RICTOR: variants seen among roughly 807,000 people sequenced by gnomAD.
The protein encoded by RICTOR is RPTOR independent companion of MTOR complex 2.
Under a neutral mutation model 214.9 loss-of-function variants are expected in RICTOR, and 49 were observed. That is an observed-to-expected ratio of 0.23 (90% CI 0.18 to 0.29). The LOEUF is 0.29. Ranked by LOEUF, RICTOR falls within the 10% of genes least tolerant of loss-of-function variation. The pLI is 1.00. For synonymous variants in RICTOR, 717 were observed against 711.3 expected (o/e 1.01, Z -0.13); for missense variants, 1,625 against 2,047.0 (o/e 0.79, Z 3.98).
intron 5 of RICTOR, among the ~76,000 whole-genome samples, chr5:39,001,265 AACCC>A (rs1334544192): frequency 3.3e-5 from 5 of 152,128 alleles, no homozygotes; most frequent in Admixed American, 2.0e-4. Flanking sequence ...GAGGATAGAG[AACCC>A]AACAATAGAT....
Position 38,945,535 on chromosome 5 carries a change from C to G in RICTOR, c.4589G>C (p.Gly1530Ala). Residue 1530 changes from glycine (G) to alanine (A), a missense_variant, in exon 34 of 38, where the codon GGT becomes GCT. By Grantham distance (60) the Gly-to-Ala change is moderately conservative. Around this residue, in one of 5 missense-constraint regions of RICTOR, gnomAD observed 1,214 missense variants for 1,470.5 expected, o/e 0.83. Coordinates refer to ENST00000357387, the MANE Select transcript of RICTOR (RefSeq NM_152756.5). ...CLYCVCIEIL[G>A]FQPSNQLSAI... is the part of the protein sequence containing the mutation. ...ACTCAGTTGGTTGCTGGGCTGGAAA[C>G]CCAGAATTTCAATACAGACACAATA... 1 of 1,614,050 alleles carries G rather than the reference C, an allele frequency of 6.2e-7. No individual in the cohort carries two copies. The highest frequency in any genetic ancestry group is 8.5e-7 in the Non-Finnish European group (1 of 1,179,936).
At chr5:39,037,413 G>A (rs1475224878) in intron 2 of RICTOR, among the ~76,000 whole-genome samples, 4 of 151,580 alleles carry the variant, frequency 2.6e-5, no homozygotes, top group Admixed American at 1.3e-4. Flanking sequence ...AAGAACTAGA[G>A]AAGCAAGAGC....
At position 39,060,885 on chromosome 5, in the gene RICTOR, C is replaced by T. The variant is rs368831541; in HGVS notation, c.97+13226G>A. 5.9e-4 allele frequency among the ~76,000 whole-genome samples: 89 copies of T among 152,032 alleles called. 1 individual carries two copies. In the South Asian group the frequency reaches 0.018, roughly 31 times the overall value. On this transcript the variant is annotated intron_variant, in intron 2 of 37. Coordinates refer to ENST00000357387, the MANE Select transcript of RICTOR (RefSeq NM_152756.5). ...TCAGAAACAAAGAAAGGCTTCTGAA[C>T]CCCACCTCTCTCTCTCATAATACCT... is the stretch of plus-strand genomic sequence containing the variant.
In RICTOR at chr5:38,940,145, A is replaced by C. The variant is rs1335812128; in HGVS notation, c.*2159T>G. ...AAAGTAACAGTAAAAAAAAAAAACAAAAAAAAAAACACAAAACATTCAGGC... is the reference window on the plus strand; with the variant it reads ...AAAGTAACAGTAAAAAAAAAAAACACAAAAAAAAACACAAAACATTCAGGC... On this transcript the variant is annotated 3_prime_UTR_variant, in exon 38 of 38. Coordinates refer to ENST00000357387, the MANE Select transcript of RICTOR (RefSeq NM_152756.5). The C allele has an allele frequency of 4.2e-4, 49 of 115,784 alleles. No individual in the cohort carries two copies. Among genetic ancestry groups the C allele is most frequent in the African/African-American group, 1.1e-3 (12 of 10,726 alleles). The allele number at this position is 115,784 out of a possible 1,614,324, so 7.2% of individuals were successfully genotyped here.
At chr5:38,945,435 A>T in intron 34 of RICTOR, 56 bp downstream of exon 34, 1 of 1,212,692 alleles carries the variant, frequency 8.2e-7, no homozygotes, top group East Asian at 2.3e-5. Flanking sequence ...GGAAAAGTAA[A>T]CCAGAGAACT....
intron 36 of RICTOR, chr5:38,944,066 A>G: frequency 2.9e-6 from 1 of 349,610 alleles, no homozygotes; most frequent in Non-Finnish European, 5.5e-6. Context: ...ATTAAAATTG[A>G]GAGAATTTCC....
chr5:38,960,049 C>A, intron 20 of RICTOR, 71 bp from the exon 21 acceptor site: 2 of 1,084,708 alleles, frequency 1.8e-6, no homozygotes, highest in South Asian at 1.3e-5. Context: ...CAACTTCAAT[C>A]AAGTACAAAA....
intron 7 of RICTOR, among the ~76,000 whole-genome samples, chr5:38,984,821 G>A (rs1286610610): frequency 6.6e-6 from 1 of 152,040 alleles, no homozygotes; most frequent in Non-Finnish European, 1.5e-5. Context: ...TGTTGTTGTT[G>A]GTGGTGGTGG....
intron 2 of RICTOR, among the ~76,000 whole-genome samples, chr5:39,030,705 C>A (rs1287667372): frequency 1.3e-5 from 2 of 152,084 alleles, no homozygotes; most frequent in African/African-American, 4.8e-5. Flanking sequence ...ACAGTCTCTG[C>A]CACACAGTAG....
At chr5:38,990,457 C>T (rs752085218) in intron 7 of RICTOR, among the ~76,000 whole-genome samples, 3 of 147,690 alleles carry the variant, frequency 2.0e-5, no homozygotes, top group Non-Finnish European at 3.0e-5. Flanking sequence ...ACATTCTGCA[C>T]GTGTATCCCA....
rs1024294043 is a variant in RICTOR, at chr5:39,018,421, CTGT to C, written c.195+2615_195+2617del. 9.9e-5 allele frequency among the ~76,000 whole-genome samples: 15 copies of C among 152,258 alleles called. No individual in the cohort carries two copies. The East Asian group carries it at 1.4e-3, about 14-fold the overall frequency. Reference sequence around the variant, plus strand: ...CATTTTATTGAGCTTCACAGATACTCTGTTTTTTACACATTGAAGGTTTGTGGC... The same window carrying C: ...CATTTTATTGAGCTTCACAGATACTCTTTTTACACATTGAAGGTTTGTGGC... On this transcript the variant is annotated intron_variant, in intron 3 of 37. Transcript: ENST00000357387.
At chr5:39,050,336 G>GT (rs534774203) in intron 2 of RICTOR, among the ~76,000 whole-genome samples, 126 of 151,438 alleles carry the variant, frequency 8.3e-4, no homozygotes, top group Non-Finnish European at 1.1e-3. Context: ...GTTTTTCTTT[G>GT]TTTTTTTTCT....
In RICTOR at chr5:38,953,534, C is replaced by A; in HGVS notation, c.2717G>T (p.Cys906Phe). 1 of 1,401,788 alleles carries A rather than the reference C, an allele frequency of 7.1e-7. No homozygotes were observed. Among genetic ancestry groups the A allele is most frequent in the South Asian group, 1.6e-5 (1 of 62,550 alleles). 86.8% of individuals were successfully genotyped at this position (1,401,788 alleles called of 1,614,324 possible). A position where few individuals can be genotyped will look rare whatever the true frequency, so the allele number is the denominator to read the frequency against. Reference protein sequence around the residue: ...LEVQNIITELCRNVRTPDLDK... With the variant: ...LEVQNIITELFRNVRTPDLDK... ...CAAATCTGGTGTACGAACATTACGA[C>A]AGAGTTCTGTAATAATATTCTGGAG... The change falls in exon 28 of 38, where the codon TGT (cysteine) becomes TTT (phenylalanine). Residue 906 changes from cysteine to phenylalanine, a missense_variant. Cys to Phe is a radical substitution (Grantham distance 205). Coordinates refer to ENST00000357387, the MANE Select transcript of RICTOR (RefSeq NM_152756.5).
intron 2 of RICTOR, among the ~76,000 whole-genome samples, chr5:39,028,868 A>G (rs892852948): frequency 6.6e-6 from 1 of 152,166 alleles, no homozygotes; most frequent in Non-Finnish European, 1.5e-5. Context: ...ACTGCACTCC[A>G]GCTCGGGTGC....
intron 2 of RICTOR, among the ~76,000 whole-genome samples, chr5:39,025,713 C>A (rs1410943025): frequency 2.0e-5 from 3 of 152,162 alleles, no homozygotes; most frequent in Non-Finnish European, 2.9e-5. Context: ...TAGAGAACTC[C>A]CTGGGGTCCC....
In RICTOR at chr5:38,990,655, G is replaced by A. The variant is rs71588475; in HGVS notation, c.583+294C>T. Among the ~76,000 whole-genome samples, 2 of 79,184 alleles carry A rather than the reference G, an allele frequency of 2.5e-5. 1 individual carries two copies. Among genetic ancestry groups the A allele is most frequent in the Admixed American group, 2.7e-4 (2 of 7,432 alleles). 51.9% of individuals were successfully genotyped at this position (79,184 alleles called of 152,430 possible). ...TATATCTGACATATATCAGATATAT[G>A]ATATATATCAGATATATATCAGATA... On this transcript the variant is annotated intron_variant, in intron 7 of 37. Transcript: ENST00000357387.
At chr5:39,072,596 A>G (rs778100689) in intron 2 of RICTOR, among the ~76,000 whole-genome samples, 1 of 152,220 alleles carries the variant, frequency 6.6e-6, no homozygotes, top group Non-Finnish European at 1.5e-5. Context: ...CAGACCTGAA[A>G]TTGTAGAAGT....
In RICTOR at chr5:38,945,552, G is replaced by A; in HGVS notation, c.4572C>T (p.Val1524=). The part of the protein sequence containing the change: ...EHTDDNCLYC[V]CIEILGFQPS... ...GCTGGAAACCCAGAATTTCAATACA[G>A]ACACAATAAAGGCAGTTATCATCTG... The change falls in exon 34 of 38, where the codon GTC becomes GTT. Residue 1524 remains valine, a synonymous_variant. Coordinates refer to ENST00000357387, the MANE Select transcript of RICTOR (RefSeq NM_152756.5). 6.2e-7 allele frequency: 1 copy of A among 1,614,102 alleles called. No individual in the cohort carries two copies. Among genetic ancestry groups the A allele is most frequent in the Non-Finnish European group, 8.5e-7 (1 of 1,179,966 alleles).
At chr5:39,028,821 C>T (rs1756058417) in intron 2 of RICTOR, among the ~76,000 whole-genome samples, 2 of 152,060 alleles carry the variant, frequency 1.3e-5, no homozygotes, top group South Asian at 4.2e-4. Context: ...TCCCTTGAGC[C>T]CAGGTGTTTG....
Sources: allele counts gnomAD v4.1 joint callset (sites outside exome capture counted in the v4.1 genomes callset), GRCh38; gene constraint gnomAD v4.1.1; regional missense constraint gnomAD v4.1.1; transcripts MANE v1.5; gene names NCBI Gene and HGNC (gene_info 2026-07-23, HGNC 2026-07-21).